EYA1: variants seen among roughly 807,000 people sequenced by gnomAD.
EYA1 encodes protein phosphatase EYA1.
Under a neutral mutation model 82.0 loss-of-function variants are expected in EYA1, and 16 were observed. That is an observed-to-expected ratio of 0.20 (90% CI 0.13 to 0.30). The LOEUF (loss-of-function observed/expected upper bound fraction) is 0.30. Ranked by LOEUF, EYA1 falls within the 10% of genes least tolerant of loss-of-function variation. EYA1 has a pLI of 1.00. For synonymous variants in EYA1, 261 were observed against 264.4 expected (o/e 0.99, Z 0.12); for missense variants, 633 against 730.7 (o/e 0.87, Z 1.54).
chr8:71,339,177 C>T (rs919103633), intron 3 of EYA1, among the ~76,000 whole-genome samples: 1 of 152,126 alleles, frequency 6.6e-6, no homozygotes, highest in Admixed American at 6.6e-5. Context: ...TTCCAAATCC[C>T]TATCTATTCT....
At chr8:71,407,767 C>T (rs374959137) in intron 2 of EYA1, among the ~76,000 whole-genome samples, 6 of 137,730 alleles carry the variant, frequency 4.4e-5, no homozygotes, top group African/African-American at 8.0e-5. Context: ...GAAAGTGATG[C>T]GGAGAATGGA....
intron 2 of EYA1, among the ~76,000 whole-genome samples, chr8:71,388,244 G>A (rs913709410): frequency 6.6e-6 from 1 of 152,176 alleles, no homozygotes; most frequent in African/African-American, 2.4e-5. Context: ...TAGCGAAGTG[G>A]TCAAATAAGT....
intron 2 of EYA1, among the ~76,000 whole-genome samples, chr8:71,524,442 C>G (rs1402873587): frequency 6.6e-6 from 1 of 152,152 alleles, no homozygotes; most frequent in Non-Finnish European, 1.5e-5. Flanking sequence ...ACCCAGTATT[C>G]ATTTTTAGGC....
chr8:71,263,391 C>A (rs990248583), intron 11 of EYA1, among the ~76,000 whole-genome samples: 1 of 152,194 alleles, frequency 6.6e-6, no homozygotes, highest in Non-Finnish European at 1.5e-5. Context: ...CCAAACCATG[C>A]CCAAACCAAG....
At chr8:71,229,938 C>A (rs1324508686) in intron 12 of EYA1, among the ~76,000 whole-genome samples, 1 of 152,056 alleles carries the variant, frequency 6.6e-6, no homozygotes, top group Non-Finnish European at 1.5e-5. Flanking sequence ...CTCCCCATAC[C>A]CCGACCGTCC....
chr8:71,457,215 C>T (rs1461768984), intron 2 of EYA1, among the ~76,000 whole-genome samples: 1 of 152,136 alleles, frequency 6.6e-6, no homozygotes, highest in Non-Finnish European at 1.5e-5. Context: ...AATGACATAC[C>T]ATCTCACACC....
At chr8:71,241,110 G>C (rs1467821941) in intron 12 of EYA1, among the ~76,000 whole-genome samples, 3 of 152,124 alleles carry the variant, frequency 2.0e-5, no homozygotes, top group Non-Finnish European at 4.4e-5. Flanking sequence ...CCTTCTCTTG[G>C]GGGGAAAATA....
intron 4 of EYA1, among the ~76,000 whole-genome samples, chr8:71,331,287 T>C (rs953327957): frequency 3.4e-4 from 49 of 145,074 alleles, no homozygotes; most frequent in African/African-American, 5.1e-4. Flanking sequence ...CACACACACA[T>C]ATATATACAT....
At chr8:71,334,263 A>C (rs761296793) in intron 3 of EYA1, 89 bp from the exon 4 acceptor site, 12 of 1,033,978 alleles carry the variant, frequency 1.2e-5, no homozygotes, top group Admixed American at 6.8e-5. Context: ...GAGTAATGAC[A>C]AGAAAATCAT....
chr8:71,286,952 C>A (rs1221817252), intron 9 of EYA1, among the ~76,000 whole-genome samples: 1 of 151,946 alleles, frequency 6.6e-6, no homozygotes, highest in African/African-American at 2.4e-5. Context: ...CAGGTGCCTG[C>A]CACCACGCCT....
chr8:71,453,163 G>A lies in EYA1; in HGVS notation c.33+82581C>T, dbSNP rs1460438281. Among the ~76,000 whole-genome samples, 4 of 152,096 alleles carry A rather than the reference G, an allele frequency of 2.6e-5. No individual in the cohort carries two copies. In the East Asian group the frequency reaches 7.7e-4, roughly 29 times the overall value. Reference sequence around the variant, plus strand: ...GATGATTCCATCAACTGGAAGAAAGGGTATCAGTGATTGAAGATCAAATGA... The same window carrying A: ...GATGATTCCATCAACTGGAAGAAAGAGTATCAGTGATTGAAGATCAAATGA... On this transcript the variant is annotated intron_variant, in intron 2 of 18. Coordinates refer to the EYA1 transcript ENST00000643681.
intron 2 of EYA1, among the ~76,000 whole-genome samples, chr8:71,369,434 G>A (rs867379865): frequency 2.6e-5 from 4 of 152,084 alleles, no homozygotes; most frequent in East Asian, 3.9e-4. Flanking sequence ...GTTTCAACAC[G>A]GGCTTTCTCT....
chr8:71,359,942 T>A (rs1827226521), intron 1 of EYA1, among the ~76,000 whole-genome samples: 1 of 152,186 alleles, frequency 6.6e-6, no homozygotes, highest in Non-Finnish European at 1.5e-5. Flanking sequence ...TAGGGTATAT[T>A]CTTGCTAAAA....
chr8:71,545,247 T>C (rs1372605156), intron 1 of EYA1, among the ~76,000 whole-genome samples: 1 of 152,244 alleles, frequency 6.6e-6, no homozygotes, highest in Non-Finnish European at 1.5e-5. Context: ...CTACACATAG[T>C]ACATGCTCAA....
intron 7 of EYA1, among the ~76,000 whole-genome samples, chr8:71,305,621 G>A (rs1001166227): frequency 5.3e-5 from 8 of 151,166 alleles, no homozygotes; most frequent in Non-Finnish European, 1.2e-4. Context: ...GCTCCAGCTT[G>A]GGTGACAAGA....
At chr8:71,236,550 G>A (rs1468470872) in intron 12 of EYA1, among the ~76,000 whole-genome samples, 1 of 151,926 alleles carries the variant, frequency 6.6e-6, no homozygotes, top group Non-Finnish European at 1.5e-5. Context: ...TTTCTCTATT[G>A]TAGTGGTAAA....
intron 12 of EYA1, among the ~76,000 whole-genome samples, chr8:71,241,813 A>AT (rs59559300): frequency 0.36 from 52,380 of 146,838 alleles, 9,435 homozygotes; most frequent in African/African-American, 0.45. Flanking sequence ...GCCAATAGAC[A>AT]TTTTTTTTTT....
At chr8:71,248,162 C>T (rs1271665084) in intron 11 of EYA1, among the ~76,000 whole-genome samples, 1 of 152,016 alleles carries the variant, frequency 6.6e-6, no homozygotes, top group African/African-American at 2.4e-5. Flanking sequence ...TCTTATTTAC[C>T]TCTTAATGTT....
At chr8:71,399,430 A>G in intron 2 of EYA1, among the ~76,000 whole-genome samples, 1 of 152,252 alleles carries the variant, frequency 6.6e-6, no homozygotes, top group South Asian at 2.1e-4. Context: ...TTATGTCTCA[A>G]GTCTGTCTCT....
Sources: gnomAD v4.1 joint callset for allele counts (sites outside exome capture counted in the v4.1 genomes callset) on GRCh38, gnomAD v4.1.1 for gene constraint, MANE v1.5 for transcripts, NCBI Gene and HGNC (gene_info 2026-07-23, HGNC 2026-07-21) for gene names.